The following MGAT4C variants were observed in gnomAD, a reference collection of about 807,000 sequenced individuals.
The protein encoded by MGAT4C is alpha-1,3-mannosyl-glycoprotein 4-beta-N-acetylglucosaminyltransferase C.
In MGAT4C, 19 loss-of-function variants were observed where a neutral mutation model predicts 40.1. The observed-to-expected ratio is 0.47, with a 90% CI of 0.33 to 0.70. The LOEUF (loss-of-function observed/expected upper bound fraction) is 0.70. Among genes scored for constraint, MGAT4C ranks in the 30% least tolerant of loss-of-function variants. The pLI is 0.02. For synonymous variants in MGAT4C, 181 were observed against 187.1 expected (o/e 0.97, Z 0.27); for missense variants, 491 against 563.2 (o/e 0.87, Z 1.30).
At chr12:86,471,045 A>G (rs1454356016) in intron 2 of MGAT4C, among the ~76,000 whole-genome samples, 1 of 152,076 alleles carries the variant, frequency 6.6e-6, no homozygotes, top group East Asian at 1.9e-4. Flanking sequence ...AATGAAGACA[A>G]AATAAGAAAA....
chr12:86,291,450 C>T (rs143186947), intron 4 of MGAT4C, among the ~76,000 whole-genome samples: 5 of 152,224 alleles, frequency 3.3e-5, no homozygotes, highest in African/African-American at 9.6e-5. Context: ...GGTAGTTACT[C>T]CCAGGGAAGA....
At chr12:86,123,639 T>C (rs1238359727) in intron 1 of MGAT4C, among the ~76,000 whole-genome samples, 1 of 152,128 alleles carries the variant, frequency 6.6e-6, no homozygotes, top group African/African-American at 2.4e-5. Context: ...TCTAATTGGA[T>C]GTTCATATTT....
intron 1 of MGAT4C, among the ~76,000 whole-genome samples, chr12:86,832,689 A>G (rs2136237667): frequency 6.6e-6 from 1 of 151,910 alleles, no homozygotes; most frequent in South Asian, 2.1e-4. Context: ...GAGAGCCATT[A>G]TAGTATGGTG....
intron 2 of MGAT4C, among the ~76,000 whole-genome samples, chr12:86,517,050 A>C (rs1433222721): frequency 1.3e-5 from 2 of 152,192 alleles, no homozygotes; most frequent in Non-Finnish European, 2.9e-5. Flanking sequence ...AAGTGTTAGC[A>C]AGGATGTGGA....
intron 4 of MGAT4C, among the ~76,000 whole-genome samples, chr12:86,294,777 T>C (rs1458746111): frequency 2.0e-5 from 3 of 152,208 alleles, no homozygotes; most frequent in African/African-American, 7.2e-5. Context: ...GTTCCTATTT[T>C]GCAATAATAG....
At chr12:86,690,767 C>T (rs80285919) in intron 2 of MGAT4C, among the ~76,000 whole-genome samples, 3,427 of 152,224 alleles carry the variant, frequency 0.023, 122 homozygotes, top group African/African-American at 0.078. Context: ...CCTGGAAAGA[C>T]CAATCTCAAC....
chr12:86,132,749 G>T (rs570869591), intron 1 of MGAT4C, among the ~76,000 whole-genome samples: 1 of 140,360 alleles, frequency 7.1e-6, no homozygotes, highest in Non-Finnish European at 1.5e-5. Context: ...CAGAGATCGC[G>T]CCACTGCACT....
chr12:86,170,124 T>C (rs1886653217), intron 1 of MGAT4C, among the ~76,000 whole-genome samples: 1 of 152,212 alleles, frequency 6.6e-6, no homozygotes, highest in Non-Finnish European at 1.5e-5. Flanking sequence ...AGAGACAGTA[T>C]GATTAGTTGT....
Position 86,062,042 on chromosome 12 carries a change from C to T in MGAT4C, c.-56-12319G>A, listed in dbSNP as rs140115983. On this transcript the variant is annotated intron_variant, in intron 1 of 4. Coordinates refer to ENST00000611864, the MANE Select transcript of MGAT4C (RefSeq NM_001351288.2). ...AGCTCTGCTAAGGAACAGATGGCCT[C>T]GTCGAGTGGCTCCCTGACCCCCACG... 7.7e-3 allele frequency among the ~76,000 whole-genome samples: 1,165 copies of T among 152,222 alleles called. 13 individuals carry two copies. The highest frequency in any genetic ancestry group is 0.026 in the African/African-American group (1,084 of 41,530).
At chr12:86,482,362 G>T (rs1957952429) in intron 2 of MGAT4C, among the ~76,000 whole-genome samples, 1 of 151,944 alleles carries the variant, frequency 6.6e-6, no homozygotes, top group African/African-American at 2.4e-5. Context: ...TATCAATTCT[G>T]TCTTCAATTC....
chr12:85,961,353 T>C lies in MGAT4C; in HGVS notation c.*17936A>G, dbSNP rs1227594681. Reference sequence around the variant, plus strand: ...GCCTAACATGAACATTTAAGCATCTTCTGTTTCTGTGATTCCCATTTTTGG... The same window carrying C: ...GCCTAACATGAACATTTAAGCATCTCCTGTTTCTGTGATTCCCATTTTTGG... On this transcript the variant is annotated 3_prime_UTR_variant, in exon 5 of 5. Transcript: ENST00000611864. 1 of 151,858 alleles carries C rather than the reference T, an allele frequency of 6.6e-6. No homozygotes were observed. The highest frequency in any genetic ancestry group is 1.5e-5 in the Non-Finnish European group (1 of 67,792). The allele number at this position is 151,858 out of a possible 1,614,324, so 9.4% of individuals were successfully genotyped here.
At chr12:86,664,149 A>G (rs1388875856) in intron 2 of MGAT4C, among the ~76,000 whole-genome samples, 1 of 148,042 alleles carries the variant, frequency 6.8e-6, no homozygotes, top group Non-Finnish European at 1.5e-5. Context: ...TTTTTTTTGT[A>G]CTTCAATGAA....
intron 4 of MGAT4C, among the ~76,000 whole-genome samples, chr12:86,266,334 G>T (rs2136102126): frequency 6.6e-6 from 1 of 152,112 alleles, no homozygotes; most frequent in South Asian, 2.1e-4. Flanking sequence ...TTAAATGAGG[G>T]TTTTATCATG....
intron 2 of MGAT4C, among the ~76,000 whole-genome samples, chr12:86,545,565 C>G (rs1294364556): frequency 6.6e-6 from 1 of 151,756 alleles, no homozygotes; most frequent in East Asian, 1.9e-4. Context: ...TATAAACAGA[C>G]TGTTACTATA....
At chr12:86,274,382 TTAAC>T (rs1201451811) in intron 4 of MGAT4C, among the ~76,000 whole-genome samples, 2 of 152,092 alleles carry the variant, frequency 1.3e-5, no homozygotes, top group Non-Finnish European at 2.9e-5. Flanking sequence ...AAATAATTAT[TTAAC>T]TATATATATA....
At chr12:86,314,609 G>A (rs1954156908) in intron 4 of MGAT4C, among the ~76,000 whole-genome samples, 1 of 152,222 alleles carries the variant, frequency 6.6e-6, no homozygotes, top group Non-Finnish European at 1.5e-5. Flanking sequence ...AGGATACAAA[G>A]TCAATGTACA....
At chr12:86,570,532 G>A (rs1269962851) in intron 2 of MGAT4C, among the ~76,000 whole-genome samples, 1 of 152,004 alleles carries the variant, frequency 6.6e-6, no homozygotes, top group East Asian at 1.9e-4. Flanking sequence ...AACTAAAAAA[G>A]CGCATCCATT....
chr12:86,237,857 AAAT>A (rs1951619829), intron 1 of MGAT4C, among the ~76,000 whole-genome samples: 1 of 151,918 alleles, frequency 6.6e-6, no homozygotes, highest in South Asian at 2.1e-4. Flanking sequence ...TCTTGAAGGA[AAAT>A]AATAACTAAA....
chr12:86,121,794 T>G (rs1257035391), intron 1 of MGAT4C, among the ~76,000 whole-genome samples: 1 of 152,152 alleles, frequency 6.6e-6, no homozygotes, highest in African/African-American at 2.4e-5. Context: ...TGCAAAAACA[T>G]GCCAAAAGCA....
Sources: gnomAD v4.1 joint callset for allele counts (sites outside exome capture counted in the v4.1 genomes callset) on GRCh38, gnomAD v4.1.1 for gene constraint, MANE v1.5 for transcripts, NCBI Gene and HGNC (gene_info 2026-07-23, HGNC 2026-07-21) for gene names.